The following PHF21B variants were observed in gnomAD, a reference collection of about 807,000 sequenced individuals.
PHF21B encodes PHD finger protein 4.
PHF21B carries 22 observed loss-of-function variants against 62.2 expected under a neutral mutation model. The observed-to-expected ratio is 0.35, with a 90% CI of 0.25 to 0.51. The LOEUF is 0.51. Ranked by LOEUF, PHF21B falls within the 20% of genes least tolerant of loss-of-function variation. The probability of loss-of-function intolerance (pLI) is 0.97; values close to 1 mark genes in which losing one functional copy is unlikely to be tolerated. For missense variants in PHF21B, 701 were observed against 707.9 expected (o/e 0.99, Z 0.11); for synonymous variants, 341 against 314.7 (o/e 1.08, Z -0.88).
At chr22:44,885,312 G>A in intron 12 of PHF21B, 114 bp downstream of exon 12, 1 of 1,017,030 alleles carries the variant, frequency 9.8e-7, no homozygotes, top group Non-Finnish European at 1.4e-6. Context: ...TTCCTGCACT[G>A]CTGAGGCCAG....
intron 2 of PHF21B, among the ~76,000 whole-genome samples, chr22:44,973,616 A>T (rs541814565): frequency 6.6e-6 from 1 of 152,116 alleles, no homozygotes; most frequent in East Asian, 1.9e-4. Flanking sequence ...TTACCTTCAG[A>T]AACCCCACCA....
chr22:44,994,823 G>A (rs939409299), intron 2 of PHF21B, among the ~76,000 whole-genome samples: 43 of 152,240 alleles, frequency 2.8e-4, no homozygotes, highest in African/African-American at 9.6e-4. Context: ...CCCCACTTCC[G>A]CAGTATCCAA....
chr22:44,945,725 G>T (rs908152481), intron 2 of PHF21B, among the ~76,000 whole-genome samples: 8 of 135,106 alleles, frequency 5.9e-5, no homozygotes, highest in Admixed American at 1.6e-4. Flanking sequence ...TTGGGGGGGG[G>T]GTGGTATAAA....
intron 2 of PHF21B, among the ~76,000 whole-genome samples, chr22:44,921,790 C>T (rs2071543083): frequency 6.6e-6 from 1 of 151,978 alleles, no homozygotes; most frequent in African/African-American, 2.4e-5. Flanking sequence ...TCCCGAGTAG[C>T]TGGGATTACA....
chr22:44,885,492 G>C lies in PHF21B; in HGVS notation c.1311C>G (p.Gly437=), dbSNP rs767427585. The C allele has an allele frequency of 1.9e-6, 3 of 1,599,708 alleles. No individual in the cohort carries two copies. Among genetic ancestry groups the C allele is most frequent in the Non-Finnish European group, 2.6e-6 (3 of 1,173,418 alleles). The change falls in exon 12 of 13, where the codon GGC becomes GGG. Residue 437 remains glycine, a synonymous_variant. Coordinates refer to ENST00000313237, the MANE Select transcript of PHF21B (RefSeq NM_138415.5). Reference sequence around the variant, plus strand: ...GCTGGTGCTCGTTCTGCAGCTCACTGCCTCGTTGCAGCAGCTTCTGCTTCT... The same window carrying C: ...GCTGGTGCTCGTTCTGCAGCTCACTCCCTCGTTGCAGCAGCTTCTGCTTCT... ...EEEKQKLLQR[G]SELQNEHQQL...
intron 8 of PHF21B, 71 bp downstream of exon 8, chr22:44,891,235 G>A (rs1440029329): frequency 7.0e-6 from 11 of 1,562,866 alleles, no homozygotes; most frequent in Non-Finnish European, 9.6e-6. Flanking sequence ...GCCCAGGCGT[G>A]GAGGACCACC....
chr22:44,962,397 C>G (rs2147421620), intron 2 of PHF21B, among the ~76,000 whole-genome samples: 1 of 152,368 alleles, frequency 6.6e-6, no homozygotes, highest in Non-Finnish European at 1.5e-5. Context: ...ACATCATAGC[C>G]TAGCCCAGCC....
At chr22:44,935,582 C>G (rs2147349964) in intron 2 of PHF21B, among the ~76,000 whole-genome samples, 1 of 151,836 alleles carries the variant, frequency 6.6e-6, no homozygotes, top group East Asian at 2.0e-4. Flanking sequence ...CCACTGCACT[C>G]TAGCCTGGGC....
At chr22:44,937,552 T>C (rs1601619245) in intron 2 of PHF21B, among the ~76,000 whole-genome samples, 1 of 152,226 alleles carries the variant, frequency 6.6e-6, no homozygotes, top group East Asian at 1.9e-4. Context: ...ACACCTGTGC[T>C]CTCTGACCCA....
At chr22:44,956,213 G>T (rs1043402521) in intron 2 of PHF21B, among the ~76,000 whole-genome samples, 3 of 152,204 alleles carry the variant, frequency 2.0e-5, no homozygotes, top group South Asian at 4.1e-4. Flanking sequence ...AAGGGAGGAG[G>T]CTCCCTGGGG....
At chr22:44,920,677 G>C (rs2071519772) in intron 2 of PHF21B, among the ~76,000 whole-genome samples, 187 bp from the exon 3 acceptor site, 1 of 152,336 alleles carries the variant, frequency 6.6e-6, no homozygotes, top group East Asian at 1.9e-4. Context: ...TTGGAAACTA[G>C]AGAAAGGAAA....
intron 2 of PHF21B, among the ~76,000 whole-genome samples, chr22:44,999,794 C>T (rs1425438688): frequency 6.6e-6 from 1 of 152,126 alleles, no homozygotes; most frequent in East Asian, 1.9e-4. Flanking sequence ...CAACAAGGCC[C>T]CCAACCTCTC....
At chr22:45,004,110 C>T (rs2073270033) in intron 2 of PHF21B, among the ~76,000 whole-genome samples, 2 of 151,978 alleles carry the variant, frequency 1.3e-5, no homozygotes, top group Non-Finnish European at 2.9e-5. Flanking sequence ...GAAGTGACAG[C>T]CAAGGGGTTT....
chr22:44,897,152 G>A (rs915961941), intron 5 of PHF21B, among the ~76,000 whole-genome samples: 3 of 152,060 alleles, frequency 2.0e-5, no homozygotes, highest in Non-Finnish European at 2.9e-5. Context: ...TATTATAGAC[G>A]TGGGCCACCA....
At chr22:44,928,869 C>T (rs1249854053) in intron 2 of PHF21B, among the ~76,000 whole-genome samples, 6 of 152,226 alleles carry the variant, frequency 3.9e-5, no homozygotes, top group African/African-American at 1.4e-4. Flanking sequence ...GGCCCTGGGG[C>T]TGCAGAGGCC....
At chr22:44,929,409 C>A (rs1330372157) in intron 2 of PHF21B, among the ~76,000 whole-genome samples, 1 of 152,236 alleles carries the variant, frequency 6.6e-6, no homozygotes, top group South Asian at 2.1e-4. Flanking sequence ...CCAGGAGGGA[C>A]CAGCAAGGGC....
intron 5 of PHF21B, among the ~76,000 whole-genome samples, chr22:44,906,176 T>G (rs192601732): frequency 2.0e-5 from 3 of 152,338 alleles, no homozygotes; most frequent in Admixed American, 2.0e-4. Flanking sequence ...CATTATCCTC[T>G]CTCTCTCCAC....
intron 7 of PHF21B, among the ~76,000 whole-genome samples, chr22:44,892,682 C>CTT (rs1215990285): frequency 6.6e-6 from 1 of 152,236 alleles, no homozygotes; most frequent in East Asian, 1.9e-4. Context: ...GAGAAAGACT[C>CTT]TAAGACACTG....
At chr22:44,896,880 G>GTTTGTTTTTT (rs1555933165) in intron 5 of PHF21B, among the ~76,000 whole-genome samples, 2 of 84,092 alleles carry the variant, frequency 2.4e-5, no homozygotes, top group South Asian at 3.7e-4. Flanking sequence ...AGTTTTATCT[G>GTTTGTTTTTT]TTTTTTTTTT....
Sources: gnomAD v4.1 joint callset for allele counts (sites outside exome capture counted in the v4.1 genomes callset) on GRCh38, gnomAD v4.1.1 for gene constraint, MANE v1.5 for transcripts, NCBI Gene and HGNC (gene_info 2026-07-23, HGNC 2026-07-21) for gene names.